Variants in KCNIP1 observed in about 807,000 individuals in gnomAD.
The protein encoded by KCNIP1 is potassium voltage-gated channel interacting protein 1.
Under a neutral mutation model 33.0 loss-of-function variants are expected in KCNIP1, and 18 were observed. The ratio of observed to expected loss-of-function variants is 0.55; its 90% CI spans 0.38 to 0.81. The LOEUF (loss-of-function observed/expected upper bound fraction) is 0.81. Ranked by LOEUF, KCNIP1 falls within the 30% of genes least tolerant of loss-of-function variation. The probability of loss-of-function intolerance (pLI) is 0.00; values close to 1 mark genes in which losing one functional copy is unlikely to be tolerated. For missense variants in KCNIP1, 238 were observed against 271.6 expected, an observed-to-expected ratio of 0.88 and a Z score of 0.87; for synonymous variants, 93 against 98.3, an observed-to-expected ratio of 0.95 and a Z score of 0.32.
intron 1 of KCNIP1, chr5:170,681,193 A>T (rs961193437): frequency 2.5e-6 from 1 of 398,854 alleles, no homozygotes; most frequent in Non-Finnish European, 4.4e-6. Context: ...CGAACCCTGG[A>T]GCTTCCCCGT....
chr5:170,360,922 T>C (rs1479467757), intron 1 of KCNIP1, among the ~76,000 whole-genome samples: 1 of 152,236 alleles, frequency 6.6e-6, no homozygotes, highest in African/African-American at 2.4e-5. Flanking sequence ...GGTCTGGTCT[T>C]AGTCAGGCTT....
intron 1 of KCNIP1, among the ~76,000 whole-genome samples, chr5:170,457,861 G>C (rs1246957247): frequency 6.6e-6 from 1 of 152,134 alleles, no homozygotes; most frequent in Admixed American, 6.5e-5. Flanking sequence ...TGTTTCACCT[G>C]AAAAAGAATT....
chr5:170,683,976 T>G (rs1762455542), intron 1 of KCNIP1, among the ~76,000 whole-genome samples: 1 of 151,172 alleles, frequency 6.6e-6, no homozygotes, highest in African/African-American at 2.4e-5. Flanking sequence ...AGGGTGGTCT[T>G]GAACTCCAGA....
At chr5:170,724,299 C>G (rs187935817) in intron 5 of KCNIP1, among the ~76,000 whole-genome samples, 2 of 151,940 alleles carry the variant, frequency 1.3e-5, no homozygotes, top group Non-Finnish European at 2.9e-5. Flanking sequence ...CCCTGATACC[C>G]AAACCAAAGA....
chr5:170,566,335 C>T (rs958923962), intron 1 of KCNIP1, among the ~76,000 whole-genome samples: 2 of 152,154 alleles, frequency 1.3e-5, no homozygotes, highest in African/African-American at 4.8e-5. Context: ...TCAGGTGATC[C>T]ACCCGCCTCA....
At chr5:170,485,101 C>G (rs1033245901) in intron 1 of KCNIP1, among the ~76,000 whole-genome samples, 1 of 151,976 alleles carries the variant, frequency 6.6e-6, no homozygotes, top group African/African-American at 2.4e-5. Context: ...CCACCACGCC[C>G]GGCTAATTTT....
chr5:170,482,928 T>G (rs1757006404), intron 1 of KCNIP1: 1 of 350,644 alleles, frequency 2.9e-6, no homozygotes. Context: ...CTGAGAGGTT[T>G]TATCTGGTCT....
At chr5:170,645,125 G>T (rs1174576724) in intron 1 of KCNIP1, among the ~76,000 whole-genome samples, 1 of 152,124 alleles carries the variant, frequency 6.6e-6, no homozygotes, top group Admixed American at 6.6e-5. Context: ...GTCCCTGGTT[G>T]TCTGTAGAGG....
rs73803724 is a variant in KCNIP1 at position 170,489,929 on chromosome 5, A to G, written c.88+135965A>G. On this transcript the variant is annotated intron_variant, in intron 1 of 7. Transcript: ENST00000377360. The surrounding 1 kb of genome is among the most constrained non-coding windows in gnomAD (Gnocchi z 4.3). ...CGGCCCTGGGATATCTGCCATGTGC[A>G]GGGAATAATGAGCCTGGCAGCTGCA... Among the ~76,000 whole-genome samples the G allele has an allele frequency of 4.8e-3, 727 of 152,316 alleles. 5 individuals carry two copies. The highest frequency in any genetic ancestry group is 0.017 in the African/African-American group (691 of 41,560).
intron 1 of KCNIP1, among the ~76,000 whole-genome samples, chr5:170,672,547 A>T (rs1394284536): frequency 6.6e-6 from 1 of 152,274 alleles, no homozygotes; most frequent in African/African-American, 2.4e-5. Flanking sequence ...TTAAAAAAAT[A>T]TAAGATTAAG....
In KCNIP1 at chr5:170,473,699, T is replaced by C. The variant is rs367713142; in HGVS notation, c.88+119735T>C. Among the ~76,000 whole-genome samples, 111 of 152,284 alleles carry C rather than the reference T, an allele frequency of 7.3e-4. 1 individual carries two copies. Among genetic ancestry groups the C allele is most frequent in the African/African-American group, 2.6e-3 (110 of 41,536 alleles). ...TCTTCCAAGGGGACAGACTGAACTC[T>C]TGCCACTTCATCCACAAAGCCCCCC... On this transcript the variant is annotated intron_variant, in intron 1 of 7. Transcript: ENST00000377360.
intron 1 of KCNIP1, chr5:170,712,747 C>G: frequency 9.7e-7 from 1 of 1,026,450 alleles, no homozygotes; most frequent in South Asian, 1.3e-5. Flanking sequence ...ATATGTCAAG[C>G]TGGACGACGT....
chr5:170,382,695 G>C (rs1322843246), intron 1 of KCNIP1: 1 of 104,600 alleles, frequency 9.6e-6, no homozygotes, highest in African/African-American at 3.7e-5. Context: ...TTTCACTCTT[G>C]TTGCCAGGCT....
intron 1 of KCNIP1, among the ~76,000 whole-genome samples, chr5:170,640,898 G>A (rs1760520417): frequency 6.6e-6 from 1 of 152,122 alleles, no homozygotes; most frequent in African/African-American, 2.4e-5. Flanking sequence ...CACAGTGAAT[G>A]GGCAGGTGGA....
chr5:170,440,880 G>T (rs1755972397), intron 1 of KCNIP1, among the ~76,000 whole-genome samples: 1 of 152,192 alleles, frequency 6.6e-6, no homozygotes, highest in South Asian at 2.1e-4. Flanking sequence ...GCTCTGGACA[G>T]CATGGAGGAC....
At chr5:170,550,699 A>G (rs749957903) in intron 1 of KCNIP1, among the ~76,000 whole-genome samples, 11 of 152,114 alleles carry the variant, frequency 7.2e-5, no homozygotes, top group Non-Finnish European at 1.2e-4. Flanking sequence ...GGTGATGACA[A>G]TGATGGTAAC....
intron 1 of KCNIP1, among the ~76,000 whole-genome samples, chr5:170,698,110 C>T (rs984217513): frequency 2.0e-5 from 3 of 152,150 alleles, no homozygotes; most frequent in Admixed American, 2.0e-4. Flanking sequence ...TGGGAATGCC[C>T]TCTCCAGGAC....
intron 1 of KCNIP1, among the ~76,000 whole-genome samples, chr5:170,656,317 C>A (rs2113735050): frequency 6.6e-6 from 1 of 152,274 alleles, no homozygotes; most frequent in Admixed American, 6.5e-5. Flanking sequence ...TGTGACAATC[C>A]CAGGCCTGCA....
chr5:170,577,192 C>A (rs983246944), intron 1 of KCNIP1, among the ~76,000 whole-genome samples: 1 of 152,200 alleles, frequency 6.6e-6, no homozygotes, highest in Non-Finnish European at 1.5e-5. Context: ...AAAATGTAAA[C>A]ACAGACCTGA....
Sources: gnomAD v4.1 joint callset for allele counts (sites outside exome capture counted in the v4.1 genomes callset) on GRCh38, gnomAD v4.1.1 for gene constraint, Gnocchi (gnomAD v3.1) non-coding constraint, MANE v1.5 for transcripts, NCBI Gene and HGNC (gene_info 2026-07-23, HGNC 2026-07-21) for gene names.